ADCY9: variants seen among roughly 807,000 people sequenced by gnomAD.
The protein encoded by ADCY9 is adenylate cyclase type 9.
Under a neutral mutation model 101.5 loss-of-function variants are expected in ADCY9, and 50 were observed. The observed-to-expected ratio is 0.49, with a 90% CI of 0.39 to 0.62. The LOEUF is 0.62. ADCY9 is among the 20% of genes least tolerant of loss of function. The pLI, the probability that ADCY9 is intolerant of heterozygous loss-of-function variation, is 0.00. For missense variants in ADCY9, 1,662 were observed against 1,800.4 expected, an observed-to-expected ratio of 0.92 and a Z score of 1.39; for synonymous variants, 905 against 769.3, an observed-to-expected ratio of 1.18 and a Z score of -2.92.
chr16:4,081,310 T>A (rs965197949), intron 2 of ADCY9, among the ~76,000 whole-genome samples: 3 of 152,206 alleles, frequency 2.0e-5, no homozygotes, highest in African/African-American at 7.2e-5. Context: ...TGAAGCCATC[T>A]CCACCTCCTG....
intron 4 of ADCY9, 27 bp downstream of exon 4, chr16:3,993,379 C>G: frequency 6.2e-7 from 1 of 1,609,582 alleles, no homozygotes; most frequent in South Asian, 1.1e-5. Flanking sequence ...GAGGAACTGA[C>G]AGGAACAACA....
intron 6 of ADCY9, among the ~76,000 whole-genome samples, chr16:3,985,247 C>G (rs961919576): frequency 2.0e-5 from 3 of 149,772 alleles, no homozygotes; most frequent in African/African-American, 7.4e-5. Flanking sequence ...TCAAGCAATT[C>G]TCCTGCCTCA....
At chr16:4,022,117 T>C (rs2056481155) in intron 2 of ADCY9, among the ~76,000 whole-genome samples, 1 of 152,196 alleles carries the variant, frequency 6.6e-6, no homozygotes, top group Admixed American at 6.5e-5. Context: ...GGAGCCTCCA[T>C]GCTTCAAAGG....
chr16:4,009,253 GTTTT>G (rs2056387399), intron 2 of ADCY9, among the ~76,000 whole-genome samples: 1 of 2,314 alleles, frequency 4.3e-4, no homozygotes. Flanking sequence ...AACTCTTCAT[GTTTT>G]GTTTTGTTTT....
intron 2 of ADCY9, among the ~76,000 whole-genome samples, chr16:4,060,266 AC>A (rs1334793102): frequency 7.9e-5 from 12 of 152,220 alleles, no homozygotes; most frequent in Non-Finnish European, 4.4e-5. Context: ...GGGAGCTATC[AC>A]GGGCAGTGGT....
intron 8 of ADCY9, among the ~76,000 whole-genome samples, chr16:3,978,577 G>GC (rs1405898328): frequency 1.3e-5 from 2 of 152,212 alleles, no homozygotes; most frequent in Non-Finnish European, 2.9e-5. Flanking sequence ...CACTGGCAGG[G>GC]ACTCGTGCCC....
At chr16:4,033,328 G>A (rs1402385717) in intron 2 of ADCY9, among the ~76,000 whole-genome samples, 2 of 152,012 alleles carry the variant, frequency 1.3e-5, no homozygotes, top group African/African-American at 2.4e-5. Context: ...GTAGATTCAC[G>A]TAATACTGCA....
rs770544319 is a variant in ADCY9 at position 3,966,342 on chromosome 16, G to A, written c.3495C>T (p.Val1165=). Residue 1165 remains valine, a synonymous_variant, in exon 11 of 11, where the codon GTC becomes GTT. Transcript: ENST00000294016. ...NMLWFNFKLR[V]GFNHGPLTAG... ...CCGTGAGGGGCCCATGGTTGAAGCC[G>A]ACGCGGAGCTTGAAGTTGAACCACA... 8.1e-6 allele frequency: 13 copies of A among 1,614,102 alleles called. No homozygotes were observed. The highest frequency in any genetic ancestry group is 1.1e-5 in the Non-Finnish European group (13 of 1,180,050).
At chr16:3,956,931 C>T (rs1475572618) in intron 5 of ADCY9, among the ~76,000 whole-genome samples, 1 of 152,086 alleles carries the variant, frequency 6.6e-6, no homozygotes, top group Non-Finnish European at 1.5e-5. Flanking sequence ...AGCAATTAAA[C>T]ATTTCTCCAT....
rs116057899 is a variant in ADCY9 at position 4,085,496 on chromosome 16, T to C, written c.1693+28254A>G. ...GTGAACACCATCAGCTGAGGTGGTATAGAAAAAGCAACTCCTGGTCAGAGC... is the reference window on the plus strand; with the variant it reads ...GTGAACACCATCAGCTGAGGTGGTACAGAAAAAGCAACTCCTGGTCAGAGC... On this transcript the variant is annotated intron_variant, in intron 2 of 10. Coordinates refer to ENST00000294016, the MANE Select transcript of ADCY9 (RefSeq NM_001116.4). Among the ~76,000 whole-genome samples the C allele has an allele frequency of 7.6e-3, 1,163 of 152,120 alleles. 18 individuals are homozygous for C. The highest frequency in any genetic ancestry group is 0.026 in the African/African-American group (1,091 of 41,542).
At position 3,963,165 on chromosome 16, in the gene ADCY9, C is replaced by A; in HGVS notation, c.*2610G>T. 4 of 269,174 alleles carry A rather than the reference C, an allele frequency of 1.5e-5. No individual in the cohort carries two copies. Among genetic ancestry groups the A allele is most frequent in the Non-Finnish European group, 1.3e-5 (2 of 155,302 alleles). The allele number at this position is 269,174 out of a possible 1,614,324, so 16.7% of individuals were successfully genotyped here. A position where few individuals can be genotyped will look rare whatever the true frequency, so the allele number is the denominator to read the frequency against. On this transcript the variant is annotated 3_prime_UTR_variant, in exon 11 of 11. Transcript: ENST00000294016. ...ATATGGATATATAATTCGATCTGAG[C>A]TGGGACTGAGAAGAAAATAGCAATT...
At chr16:3,977,234 C>T (rs2056099781) in intron 9 of ADCY9, among the ~76,000 whole-genome samples, 1 of 152,206 alleles carries the variant, frequency 6.6e-6, no homozygotes, top group South Asian at 2.1e-4. Context: ...TTATGTTTTC[C>T]AGGATGTCTA....
chr16:4,040,879 T>C (rs1353905519), intron 2 of ADCY9, among the ~76,000 whole-genome samples: 1 of 152,192 alleles, frequency 6.6e-6, no homozygotes, highest in African/African-American at 2.4e-5. Context: ...GTACTTTTCA[T>C]TTCCATTACC....
chr16:4,114,434 C>G lies in ADCY9; in HGVS notation c.1009G>C (p.Val337Leu). 2 of 1,614,174 alleles carry G rather than the reference C, an allele frequency of 1.2e-6. No homozygotes were observed. Among genetic ancestry groups the G allele is most frequent in the Non-Finnish European group, 1.7e-6 (2 of 1,180,042 alleles). The change falls in exon 2 of 11, where the codon GTG becomes CTG. Residue 337 changes from valine (V) to leucine (L), a missense_variant. Val to Leu is a conservative substitution (Grantham distance 32). Coordinates refer to ENST00000294016, the MANE Select transcript of ADCY9 (RefSeq NM_001116.4). This position sits in a 1 kb window ranked among gnomAD's most constrained non-coding sequence, Gnocchi z 4.3. ...KALKERMIHS[V>L]MPRIIADDLM... ...TCATCGGCTATGATTCTTGGCATCACGGAATGAATCATCCTCTCTTTGAGG... is the reference window on the plus strand; with the variant it reads ...TCATCGGCTATGATTCTTGGCATCAGGGAATGAATCATCCTCTCTTTGAGG...
rs766810277 is a variant in ADCY9, at chr16:3,983,253, A to G, written c.2498T>C (p.Leu833Pro). ...TTACCTGATGGACACCGCGAGGGAC[A>G]GCACCTCCAGCAGCAGGGCTGCACT... ...VFSAALLLEV[L>P]SLAVSIRMVF... The change falls in exon 7 of 11, where the codon CTG (leucine) becomes CCG (proline). Residue 833 changes from leucine (L) to proline (P), a missense_variant. Transcript: ENST00000294016. The G allele has an allele frequency of 1.2e-5, 19 of 1,551,596 alleles. No individual in the cohort carries two copies. The highest frequency in any genetic ancestry group is 1.6e-5 in the Non-Finnish European group (18 of 1,147,390).
downstream of ADCY9, among the ~76,000 whole-genome samples, chr16:3,961,019 A>G (rs948299871): frequency 1.3e-4 from 20 of 152,164 alleles, no homozygotes; most frequent in African/African-American, 4.8e-4. Context: ...GGGAAAAGCA[A>G]CCATGTGAAC....
At chr16:4,106,211 C>A (rs769291414) in intron 2 of ADCY9, among the ~76,000 whole-genome samples, 2 of 152,320 alleles carry the variant, frequency 1.3e-5, no homozygotes, top group South Asian at 4.1e-4. Flanking sequence ...CAGTCTTCTT[C>A]GCTGAAGTTG....
chr16:3,970,786 A>C (rs2056044463), intron 10 of ADCY9, among the ~76,000 whole-genome samples: 1 of 152,208 alleles, frequency 6.6e-6, no homozygotes, highest in Admixed American at 6.5e-5. Flanking sequence ...CCTGGGCCCC[A>C]TCCTGGCTGG....
intron 2 of ADCY9, among the ~76,000 whole-genome samples, chr16:4,008,749 G>A (rs924548742): frequency 1.3e-5 from 2 of 152,140 alleles, no homozygotes; most frequent in African/African-American, 4.8e-5. Context: ...TTTTAGTAGA[G>A]ACAGGGTTTC....
Sources: gnomAD v4.1 joint callset for allele counts (sites outside exome capture counted in the v4.1 genomes callset) on GRCh38, gnomAD v4.1.1 for gene constraint, Gnocchi (gnomAD v3.1) non-coding constraint, MANE v1.5 for transcripts, NCBI Gene and HGNC (gene_info 2026-07-23, HGNC 2026-07-21) for gene names.